Variants in CNOT4 observed in about 807,000 individuals in gnomAD.
CNOT4 encodes the protein CCR4-NOT transcription complex subunit 4.
CNOT4 carries 8 observed loss-of-function variants against 73.8 expected under a neutral mutation model. That is an observed-to-expected ratio of 0.11 (90% CI 0.06 to 0.20). CNOT4 has a LOEUF of 0.20. Ranked by LOEUF, CNOT4 falls within the 10% of genes least tolerant of loss-of-function variation. The pLI, the probability that CNOT4 is intolerant of heterozygous loss-of-function variation, is 1.00. For missense variants in CNOT4, 564 were observed against 883.4 expected (o/e 0.64, Z 4.58); for synonymous variants, 293 against 321.1 (o/e 0.91, Z 0.94).
chr7:135,383,923 T>C (rs982513390), intron 10 of CNOT4, among the ~76,000 whole-genome samples: 2 of 152,142 alleles, frequency 1.3e-5, no homozygotes, highest in Non-Finnish European at 2.9e-5. Context: ...TGTCTTTGTC[T>C]TTTTCCCCTT....
intron 10 of CNOT4, chr7:135,388,552 T>C (rs1796240236): frequency 9.2e-7 from 1 of 1,089,498 alleles, no homozygotes; most frequent in Non-Finnish European, 1.1e-6. Context: ...TTTTATGAGT[T>C]AGAAATAGTA....
chr7:135,490,407 G>A (rs956737781), intron 1 of CNOT4, among the ~76,000 whole-genome samples: 2 of 152,190 alleles, frequency 1.3e-5, no homozygotes, highest in Non-Finnish European at 2.9e-5. Context: ...GCAGAGGTTG[G>A]AGGAAAACAA....
chr7:135,372,542 C>T (rs1012366393), intron 10 of CNOT4, among the ~76,000 whole-genome samples: 2 of 150,078 alleles, frequency 1.3e-5, no homozygotes, highest in African/African-American at 2.4e-5. Context: ...TAACCCTGAA[C>T]GTTTGCTACC....
chr7:135,365,820 A>T (rs1188354402), intron 10 of CNOT4, among the ~76,000 whole-genome samples: 3 of 152,196 alleles, frequency 2.0e-5, no homozygotes, highest in Non-Finnish European at 2.9e-5. Flanking sequence ...GGAGAAAAAA[A>T]TTCTGCTCAA....
intron 1 of CNOT4, among the ~76,000 whole-genome samples, chr7:135,494,717 G>C (rs576669058): frequency 6.6e-6 from 1 of 152,090 alleles, no homozygotes; most frequent in Non-Finnish European, 1.5e-5. Context: ...AAGTGTTATA[G>C]AAAAAAGTAA....
chr7:135,486,598 T>A (rs1481974401), intron 1 of CNOT4, among the ~76,000 whole-genome samples: 1 of 152,262 alleles, frequency 6.6e-6, no homozygotes, highest in Non-Finnish European at 1.5e-5. Context: ...TGAAAACATG[T>A]ACACAAATGT....
chr7:135,479,722 C>A (rs2129487181), intron 1 of CNOT4, among the ~76,000 whole-genome samples: 1 of 151,864 alleles, frequency 6.6e-6, no homozygotes, highest in South Asian at 2.1e-4. Context: ...CATGGAGAAA[C>A]CTGGTCTCTA....
chr7:135,472,336 G>A (rs567959482), intron 1 of CNOT4, among the ~76,000 whole-genome samples: 1 of 148,936 alleles, frequency 6.7e-6, no homozygotes, highest in Admixed American at 6.7e-5. Flanking sequence ...AATTAGCCAG[G>A]CGTGGTGGCG....
At chr7:135,421,161 T>A (rs1445373102) in intron 3 of CNOT4, among the ~76,000 whole-genome samples, 18 of 152,134 alleles carry the variant, frequency 1.2e-4, no homozygotes, top group Admixed American at 1.2e-3. Flanking sequence ...AAACACATCA[T>A]CAATAAAGAT....
At chr7:135,412,168 G>A (rs554666699) in intron 6 of CNOT4, among the ~76,000 whole-genome samples, 5 of 151,818 alleles carry the variant, frequency 3.3e-5, no homozygotes, top group East Asian at 3.9e-4. Flanking sequence ...CAGGAGATAC[G>A]GCTTTCACTA....
chr7:135,439,719 G>A (rs1799360826), intron 1 of CNOT4, among the ~76,000 whole-genome samples: 1 of 152,202 alleles, frequency 6.6e-6, no homozygotes, highest in Non-Finnish European at 1.5e-5. Context: ...GTTCAAGGCT[G>A]CAGTGAGCTA....
At chr7:135,508,807 G>A (rs1728172084) in intron 1 of CNOT4, among the ~76,000 whole-genome samples, 1 of 152,110 alleles carries the variant, frequency 6.6e-6, no homozygotes, top group Admixed American at 6.5e-5. Flanking sequence ...ATGTGCGCCA[G>A]ATTTATCTTA....
intron 1 of CNOT4, among the ~76,000 whole-genome samples, chr7:135,475,305 C>A (rs945885947): frequency 6.6e-6 from 1 of 152,062 alleles, no homozygotes; most frequent in South Asian, 2.1e-4. Flanking sequence ...TTCTGAGACT[C>A]AAGGACAGAG....
intron 1 of CNOT4, among the ~76,000 whole-genome samples, chr7:135,453,826 T>TTATTTATATATATATA (rs1554438703): frequency 1.1e-5 from 1 of 89,902 alleles, no homozygotes; most frequent in Non-Finnish European, 2.3e-5. Flanking sequence ...TATATATATT[T>TTATTTATATATATATA]TATATATATA....
At chr7:135,449,697 A>G (rs1475407578) in intron 1 of CNOT4, among the ~76,000 whole-genome samples, 1 of 152,252 alleles carries the variant, frequency 6.6e-6, no homozygotes, top group African/African-American at 2.4e-5. Context: ...AGGAAATAAC[A>G]ACCCTGAAAA....
intron 2 of CNOT4, among the ~76,000 whole-genome samples, chr7:135,433,010 A>T (rs1166699166): frequency 6.6e-6 from 1 of 152,180 alleles, no homozygotes; most frequent in Non-Finnish European, 1.5e-5. Flanking sequence ...GACACTTGAT[A>T]GGCCCTTTCA....
Position 135,422,080 on chromosome 7 carries a change from C to T in CNOT4, c.372+76G>A. 6.1e-6 allele frequency: 5 copies of T among 825,730 alleles called. No individual in the cohort carries two copies. In the East Asian group the frequency reaches 1.2e-4, roughly 20 times the overall value. 51.2% of individuals were successfully genotyped at this position (825,730 alleles called of 1,614,324 possible). On this transcript the variant is annotated intron_variant, in intron 3 of 11. Coordinates refer to ENST00000541284, the MANE Select transcript of CNOT4 (RefSeq NM_001190850.2). ...TGTTCAGAGGAATCACACAATTGAG[C>T]AGGGTCAAATATTATTTCCAAGTAA...
rs780648880 is a variant in CNOT4 at position 135,415,144 on chromosome 7, G to C, written c.459+32C>G. 1.3e-5 allele frequency: 17 copies of C among 1,300,646 alleles called. No homozygotes were observed. In the South Asian group the frequency reaches 1.9e-4, roughly 15 times the overall value. 80.6% of individuals were successfully genotyped at this position (1,300,646 alleles called of 1,614,324 possible). On this transcript the variant is annotated intron_variant, in intron 4 of 11. Transcript: ENST00000541284. ...GCCCAGGTCAAGCCCAGACCATAGG[G>C]AGGAAAAGCAAAAATCCCTAAAATT...
At chr7:135,479,003 C>T (rs116633003) in intron 1 of CNOT4, among the ~76,000 whole-genome samples, 3,040 of 152,134 alleles carry the variant, frequency 0.02, 109 homozygotes, top group African/African-American at 0.07. Context: ...TACACCAACA[C>T]AATTGGTAAA....
Sources: allele counts gnomAD v4.1 joint callset (sites outside exome capture counted in the v4.1 genomes callset), GRCh38; gene constraint gnomAD v4.1.1; transcripts MANE v1.5; gene names NCBI Gene and HGNC (gene_info 2026-07-23, HGNC 2026-07-21).